The following NSUN6 variants were observed in gnomAD, a reference collection of about 807,000 sequenced individuals.
NSUN6 encodes NOP2/Sun RNA methyltransferase 6.
NSUN6 carries 64 observed loss-of-function variants against 58.0 expected under a neutral mutation model. The ratio of observed to expected loss-of-function variants is 1.10; its 90% CI spans 0.90 to 1.36. The LOEUF (loss-of-function observed/expected upper bound fraction) is 1.36, where lower values mean the gene tolerates loss of function less well. Among genes scored for constraint, NSUN6 ranks in the 40% most tolerant of loss-of-function variants. The pLI is 0.00. For missense variants in NSUN6, 701 were observed against 550.1 expected, an observed-to-expected ratio of 1.27 and a Z score of -2.74; for synonymous variants, 231 against 193.9, an observed-to-expected ratio of 1.19 and a Z score of -1.59.
At chr10:18,655,769 G>T (rs2059770722), upstream of NSUN6, among the ~76,000 whole-genome samples, 1 of 100,910 alleles carries the variant, frequency 9.9e-6, no homozygotes, top group African/African-American at 3.5e-5. Flanking sequence ...CACCATGACT[G>T]CCACACTGAG....
intron 2 of NSUN6, among the ~76,000 whole-genome samples, chr10:18,643,535 C>T (rs750814975): frequency 1.6e-4 from 24 of 152,134 alleles, no homozygotes; most frequent in Non-Finnish European, 2.6e-4. Context: ...AGAAAATAAT[C>T]GTGCATATTT....
intron 6 of NSUN6, among the ~76,000 whole-genome samples, chr10:18,605,091 T>C (rs1343789262): frequency 6.6e-6 from 1 of 151,424 alleles, no homozygotes; most frequent in Non-Finnish European, 1.5e-5. Flanking sequence ...TTCACCGTGT[T>C]AGCCAGGATG....
At chr10:18,589,575 C>T (rs533246578) in intron 7 of NSUN6, among the ~76,000 whole-genome samples, 1 of 152,194 alleles carries the variant, frequency 6.6e-6, no homozygotes. Context: ...AGAAACCCTA[C>T]AAGCCAAAAT....
At chr10:18,572,530 A>ATTCCATTCCATT (rs61726071) in intron 8 of NSUN6, among the ~76,000 whole-genome samples, 1 of 145,800 alleles carries the variant, frequency 6.9e-6, no homozygotes, top group African/African-American at 2.6e-5. Context: ...TCCATTCCCT[A>ATTCCATTCCATT]TTCCATTCCA....
intron 3 of NSUN6, among the ~76,000 whole-genome samples, chr10:18,639,768 T>C (rs530226554): frequency 6.6e-6 from 1 of 152,340 alleles, no homozygotes; most frequent in Non-Finnish European, 1.5e-5. Flanking sequence ...ATCATCCAAA[T>C]ATTTTAGAGA....
chr10:18,614,753 T>G, intron 4 of NSUN6, 140 bp from the exon 5 acceptor site: 1 of 391,300 alleles, frequency 2.6e-6, no homozygotes, highest in Non-Finnish European at 4.5e-6. Context: ...TACCTCAATC[T>G]TTAATAGAAA....
At chr10:18,602,148 T>C (rs1214025587) in intron 6 of NSUN6, among the ~76,000 whole-genome samples, 1 of 150,428 alleles carries the variant, frequency 6.6e-6, no homozygotes, top group Non-Finnish European at 1.5e-5. Flanking sequence ...ACTGCACCTC[T>C]GCCTCCCAGG....
intron 8 of NSUN6, among the ~76,000 whole-genome samples, chr10:18,581,842 A>G (rs2056918731): frequency 6.6e-6 from 1 of 150,716 alleles, no homozygotes; most frequent in African/African-American, 2.4e-5. Flanking sequence ...AAAAAAAGGG[A>G]AACCAGCAGC....
chr10:18,628,206 A>G (rs201643967), intron 3 of NSUN6, among the ~76,000 whole-genome samples: 1 of 152,086 alleles, frequency 6.6e-6, no homozygotes, highest in Non-Finnish European at 1.5e-5. Context: ...TGTCTGTTAG[A>G]AGGAAAACTA....
At chr10:18,619,376 A>G (rs1414974297) in intron 3 of NSUN6, among the ~76,000 whole-genome samples, 1 of 152,200 alleles carries the variant, frequency 6.6e-6, no homozygotes, top group Non-Finnish European at 1.5e-5. Flanking sequence ...TAAGGCAAGA[A>G]AGACCTACTT....
At chr10:18,653,056 A>C (rs1206425837), upstream of NSUN6, 1 of 981,108 alleles carries the variant, frequency 1.0e-6, no homozygotes, top group Non-Finnish European at 1.2e-6. Context: ...ATAAATGTCT[A>C]AATCAGACAT....
At chr10:18,581,771 A>T (rs1396079558) in intron 8 of NSUN6, among the ~76,000 whole-genome samples, 1 of 151,444 alleles carries the variant, frequency 6.6e-6, no homozygotes, top group Non-Finnish European at 1.5e-5. Context: ...GGCTGAAGTG[A>T]GCCGAGATCG....
chr10:18,575,010 T>C (rs1475288408), intron 8 of NSUN6, among the ~76,000 whole-genome samples: 3 of 151,986 alleles, frequency 2.0e-5, no homozygotes, highest in African/African-American at 7.2e-5. Flanking sequence ...GTAATCCCCA[T>C]TTTCTCTTCC....
chr10:18,603,458 T>TTTTTC lies in NSUN6; in HGVS notation c.657+6382_657+6386dup, dbSNP rs577861731. Among the ~76,000 whole-genome samples, 787 of 151,794 alleles carry TTTTTC rather than the reference T, an allele frequency of 5.2e-3. 7 individuals are homozygous for TTTTTC. The highest frequency in any genetic ancestry group is 8.4e-3 in the Non-Finnish European group (568 of 67,850). On this transcript the variant is annotated intron_variant, in intron 6 of 10. Coordinates refer to ENST00000377304, the MANE Select transcript of NSUN6 (RefSeq NM_182543.5). ...GCACTCCTGAACTATATGCACGCTC[T>TTTTTC]TTTTCTTTTCTTTTCTTTTCTTTTT...
At chr10:18,598,406 A>G (rs1044465042) in intron 6 of NSUN6, among the ~76,000 whole-genome samples, 2 of 152,188 alleles carry the variant, frequency 1.3e-5, no homozygotes, top group African/African-American at 4.8e-5. Flanking sequence ...AACACTAAAA[A>G]TAGCTTAACC....
intron 3 of NSUN6, among the ~76,000 whole-genome samples, chr10:18,639,311 G>A (rs1207887722): frequency 1.3e-5 from 2 of 152,092 alleles, no homozygotes; most frequent in African/African-American, 4.8e-5. Flanking sequence ...TGGCCAATAT[G>A]GTGAAACACA....
intron 5 of NSUN6, among the ~76,000 whole-genome samples, chr10:18,613,718 G>T (rs1476686040): frequency 1.3e-5 from 2 of 152,162 alleles, no homozygotes; most frequent in Admixed American, 1.3e-4. Flanking sequence ...AACTTCTTCA[G>T]AAGAACGAAT....
intron 8 of NSUN6, among the ~76,000 whole-genome samples, chr10:18,570,509 C>G (rs2056286783): frequency 6.6e-6 from 1 of 151,082 alleles, no homozygotes; most frequent in Non-Finnish European, 1.5e-5. Flanking sequence ...ATCCTCCTTT[C>G]CATTCCATTC....
chr10:18,631,854 C>G (rs1447715334), intron 3 of NSUN6, among the ~76,000 whole-genome samples: 3 of 152,144 alleles, frequency 2.0e-5, no homozygotes, highest in African/African-American at 7.2e-5. Flanking sequence ...GATTCAATGC[C>G]ATCCCCATCA....
Sources: gnomAD v4.1 joint callset for allele counts (sites outside exome capture counted in the v4.1 genomes callset) on GRCh38, gnomAD v4.1.1 for gene constraint, MANE v1.5 for transcripts, NCBI Gene and HGNC (gene_info 2026-07-23, HGNC 2026-07-21) for gene names.